The following VIT variants were observed in gnomAD, a reference collection of about 807,000 sequenced individuals.
VIT encodes vitrin.
VIT carries 99 observed loss-of-function variants against 78.0 expected under a neutral mutation model. The observed-to-expected ratio is 1.27, with a 90% CI of 1.08 to 1.50. The LOEUF is 1.50. VIT is among the 40% of genes most tolerant of loss of function. VIT has a pLI of 0.00. For synonymous variants in VIT, 374 were observed against 334.3 expected (o/e 1.12, Z -1.29); for missense variants, 1,126 against 875.3 (o/e 1.29, Z -3.61).
chr2:36,745,705 T>G (rs1049970721), intron 4 of VIT, among the ~76,000 whole-genome samples: 8 of 152,200 alleles, frequency 5.3e-5, no homozygotes, highest in African/African-American at 1.9e-4. Context: ...AGGAGCCTTT[T>G]GGTGGAGTCT....
In VIT at chr2:36,814,410, G is replaced by C; in HGVS notation, c.*49G>C. ...CAAGTGCTGCTTTACTAACTGACGT[G>C]TTGGACCACCCCACCGCTTAATGGG... On this transcript the variant is annotated 3_prime_UTR_variant, in exon 16 of 16. Coordinates refer to ENST00000379242, the MANE Select transcript of VIT (RefSeq NM_053276.4). The C allele has an allele frequency of 6.2e-7, 1 of 1,603,960 alleles. No homozygotes were observed. Among genetic ancestry groups the C allele is most frequent in the South Asian group, 1.1e-5 (1 of 89,970 alleles).
chr2:36,755,379 G>A (rs1480423717), intron 5 of VIT, among the ~76,000 whole-genome samples: 1 of 152,094 alleles, frequency 6.6e-6, no homozygotes, highest in Non-Finnish European at 1.5e-5. Flanking sequence ...TGCCAAATGT[G>A]CCTCATGTCT....
intron 7 of VIT, among the ~76,000 whole-genome samples, chr2:36,770,674 A>C (rs980184738): frequency 1.3e-5 from 2 of 152,176 alleles, no homozygotes; most frequent in African/African-American, 2.4e-5. Context: ...AGATCTATAG[A>C]TATGCTTAGG....
At chr2:36,727,076 A>G (rs972646978) in intron 2 of VIT, among the ~76,000 whole-genome samples, 6 of 152,144 alleles carry the variant, frequency 3.9e-5, no homozygotes, top group African/African-American at 1.4e-4. Flanking sequence ...GTTTCTAAGG[A>G]GGAAGCTCAA....
chr2:36,814,669 G>A lies in VIT; in HGVS notation c.*308G>A, dbSNP rs867357015. On this transcript the variant is annotated 3_prime_UTR_variant, in exon 16 of 16. Coordinates refer to ENST00000379242, the MANE Select transcript of VIT (RefSeq NM_053276.4). ...AGTGCAGCCCTTACGACAGGCTTAC[G>A]TAGAGCTTTTGTGAGATTTTTAAGT... 165 of 251,944 alleles carry A rather than the reference G, an allele frequency of 6.5e-4. No individual in the cohort carries two copies. The highest frequency in any genetic ancestry group is 3.7e-3 in the Middle Eastern group (3 of 810). 15.6% of individuals were successfully genotyped at this position (251,944 alleles called of 1,614,324 possible).
chr2:36,707,133 G>A (rs748916283), intron 1 of VIT, among the ~76,000 whole-genome samples: 33 of 152,164 alleles, frequency 2.2e-4, no homozygotes, highest in Non-Finnish European at 4.7e-4. Flanking sequence ...GCCACTGCGA[G>A]TTAGGTAGCA....
intron 15 of VIT, among the ~76,000 whole-genome samples, chr2:36,813,183 C>T (rs984960726): frequency 4.0e-5 from 6 of 149,448 alleles, no homozygotes; most frequent in African/African-American, 1.5e-4. Context: ...GGCACGGTGG[C>T]TCATGCCTGT....
chr2:36,698,773 A>G (rs1043273975), intron 1 of VIT, among the ~76,000 whole-genome samples: 3 of 151,974 alleles, frequency 2.0e-5, no homozygotes, highest in Non-Finnish European at 2.9e-5. Flanking sequence ...GTGAAACCCC[A>G]TCTCTACCAA....
intron 1 of VIT, among the ~76,000 whole-genome samples, chr2:36,699,234 C>G (rs866167721): frequency 1.3e-5 from 2 of 152,018 alleles, no homozygotes; most frequent in Admixed American, 6.6e-5. Context: ...GTCTCCATCT[C>G]TATTTCATCA....
At position 36,788,487 on chromosome 2, in the gene VIT, G is replaced by T. The variant is rs555782096; in HGVS notation, c.1058+1211G>T. On this transcript the variant is annotated intron_variant, in intron 12 of 15. Transcript: ENST00000379242. ...GGAAAAATTAATAGATGAGTTAACT[G>T]GCACTTGTATGTAGTCACACTCAAT... Among the ~76,000 whole-genome samples, 5 of 152,260 alleles carry T rather than the reference G, an allele frequency of 3.3e-5. No individual in the cohort carries two copies. The South Asian group carries it at 6.2e-4, about 19-fold the overall frequency.
At chr2:36,703,886 G>GT (rs1466209891) in intron 1 of VIT, among the ~76,000 whole-genome samples, 4 of 148,010 alleles carry the variant, frequency 2.7e-5, no homozygotes, top group Non-Finnish European at 5.9e-5. Flanking sequence ...GCTTGGGCAG[G>GT]TTTTTTTGTT....
intron 15 of VIT, among the ~76,000 whole-genome samples, chr2:36,812,413 G>C (rs1050356836): frequency 3.3e-5 from 5 of 151,202 alleles, no homozygotes; most frequent in African/African-American, 1.2e-4. Context: ...GGTGGCGCGA[G>C]AATAGGCTAT....
intron 1 of VIT, among the ~76,000 whole-genome samples, chr2:36,702,404 G>A (rs1445391183): frequency 8.6e-6 from 1 of 115,962 alleles, no homozygotes; most frequent in African/African-American, 3.2e-5. Flanking sequence ...AAGCTCAGAG[G>A]ATTTTTTTTT....
At chr2:36,760,109 C>G (rs529757887) in intron 6 of VIT, among the ~76,000 whole-genome samples, 1 of 152,174 alleles carries the variant, frequency 6.6e-6, no homozygotes, top group African/African-American at 2.4e-5. Flanking sequence ...ATTCTCCTGC[C>G]TCAGCCTCCC....
intron 11 of VIT, among the ~76,000 whole-genome samples, chr2:36,786,033 C>T (rs1252753830): frequency 6.6e-6 from 1 of 152,156 alleles, no homozygotes; most frequent in Non-Finnish European, 1.5e-5. Context: ...AACAATGCAC[C>T]GTGGAGAACA....
chr2:36,756,524 T>C (rs1668777097), intron 5 of VIT, among the ~76,000 whole-genome samples: 1 of 152,188 alleles, frequency 6.6e-6, no homozygotes, highest in African/African-American at 2.4e-5. Flanking sequence ...CTCAAGCCCC[T>C]ACCGTCCTCC....
At chr2:36,734,072 T>A (rs1226890711) in intron 3 of VIT, among the ~76,000 whole-genome samples, 3 of 152,184 alleles carry the variant, frequency 2.0e-5, no homozygotes, top group Admixed American at 6.5e-5. Flanking sequence ...TCCGGGACCT[T>A]TCGTCTCACC....
At chr2:36,787,937 T>G (rs1205348641) in intron 12 of VIT, 1 of 382,828 alleles carries the variant, frequency 2.6e-6, no homozygotes, top group East Asian at 8.4e-5. Flanking sequence ...AGGGCTCGTG[T>G]TGACATCCAG....
chr2:36,758,908 G>A, intron 5 of VIT, 61 bp from the exon 6 acceptor site: 3 of 1,433,178 alleles, frequency 2.1e-6, no homozygotes, highest in Non-Finnish European at 2.9e-6. Flanking sequence ...ACTTAGTACA[G>A]AACCATCTAA....
Sources: allele counts gnomAD v4.1 joint callset (sites outside exome capture counted in the v4.1 genomes callset), GRCh38; gene constraint gnomAD v4.1.1; transcripts MANE v1.5; gene names NCBI Gene and HGNC (gene_info 2026-07-23, HGNC 2026-07-21).